Variants in DUOX1 observed in about 807,000 individuals in gnomAD.
DUOX1 encodes the protein NADPH thyroid oxidase 1.
DUOX1 carries 134 observed loss-of-function variants against 181.8 expected under a neutral mutation model. The observed-to-expected ratio is 0.74, with a 90% CI of 0.64 to 0.85. DUOX1 has a LOEUF of 0.85. Among genes scored for constraint, DUOX1 ranks in the 40% least tolerant of loss-of-function variants. The pLI, the probability that DUOX1 is intolerant of heterozygous loss-of-function variation, is 0.00. For missense variants in DUOX1, 1,814 were observed against 2,064.4 expected, an observed-to-expected ratio of 0.88 and a Z score of 2.35; for synonymous variants, 798 against 832.5, an observed-to-expected ratio of 0.96 and a Z score of 0.71.
At chr15:45,142,914 C>A (rs1896545601) in intron 15 of DUOX1, among the ~76,000 whole-genome samples, 1 of 151,958 alleles carries the variant, frequency 6.6e-6, no homozygotes, top group African/African-American at 2.4e-5. Flanking sequence ...TGAGTCTAGT[C>A]TCTGACACAA....
intron 11 of DUOX1, 88 bp from the exon 12 acceptor site, chr15:45,139,338 TC>T: frequency 6.3e-7 from 1 of 1,588,752 alleles, no homozygotes; most frequent in Non-Finnish European, 8.6e-7. Context: ...GGCTCAAGTC[TC>T]CTGGGGCTGG....
Position 45,160,875 on chromosome 15 carries a change from CCGT to C in DUOX1, c.3742_3744del (p.Arg1248del). ...GTAGCTTTGCCCTGATCCAGCTGCC[CCGT>C]TTCCACATCTTCTTCCTGGTCCCAG... On this transcript the variant is annotated inframe_deletion, in exon 29 of 34. Transcript: ENST00000389037. 6.2e-7 allele frequency: 1 copy of C among 1,613,098 alleles called. No homozygotes were observed. The highest frequency in any genetic ancestry group is 8.5e-7 in the Non-Finnish European group (1 of 1,179,290).
intron 1 of DUOX1, among the ~76,000 whole-genome samples, chr15:45,130,316 G>C (rs1019719362): frequency 6.6e-6 from 1 of 152,232 alleles, no homozygotes; most frequent in African/African-American, 2.4e-5. Flanking sequence ...GGTTCTTTGG[G>C]ACCTGGGAAT....
Position 45,165,184 on chromosome 15 carries a change from T to G in DUOX1, c.*283T>G. ...CAAAGTGAAACCTCTGCTTCCAGAC[T>G]TCAGAAACAAATCTCAGAAGACAAG... On this transcript the variant is annotated 3_prime_UTR_variant, in exon 34 of 34. Coordinates refer to ENST00000389037, the MANE Select transcript of DUOX1 (RefSeq NM_175940.3). The G allele has an allele frequency of 2.0e-6, 1 of 502,240 alleles. No homozygotes were observed. The highest frequency in any genetic ancestry group is 3.6e-6 in the Non-Finnish European group (1 of 279,434). 31.1% of individuals were successfully genotyped at this position (502,240 alleles called of 1,614,324 possible). A position where few individuals can be genotyped will look rare whatever the true frequency, so the allele number is the denominator to read the frequency against.
chr15:45,142,712 C>T (rs3784578), intron 15 of DUOX1, among the ~76,000 whole-genome samples: 3,161 of 144,210 alleles, frequency 0.022, 103 homozygotes, highest in East Asian at 0.14. Flanking sequence ...GCAACAAGAG[C>T]GAAACTCTGT....
chr15:45,145,114 G>A lies in DUOX1; in HGVS notation c.2322+34G>A, dbSNP rs777641426. On this transcript the variant is annotated intron_variant, in intron 18 of 33. Coordinates refer to ENST00000389037, the MANE Select transcript of DUOX1 (RefSeq NM_175940.3). ...ATGGGACCAGATCAATCCTTATGCTGTGGTGGTGTCCTTACCTGCATGAGG... is the reference window on the plus strand; with the variant it reads ...ATGGGACCAGATCAATCCTTATGCTATGGTGGTGTCCTTACCTGCATGAGG... 3.9e-6 allele frequency: 6 copies of A among 1,542,476 alleles called. No homozygotes were observed. The East Asian group carries it at 6.8e-5, about 18-fold the overall frequency.
At chr15:45,138,799 C>T (rs192017011) in intron 10 of DUOX1, 57 of 435,838 alleles carry the variant, frequency 1.3e-4, no homozygotes, top group African/African-American at 1.1e-3. Flanking sequence ...ACTTTGCCAA[C>T]CACACTGTCA....
At chr15:45,161,079 G>A in intron 29 of DUOX1, 89 bp downstream of exon 29, 1 of 1,565,572 alleles carries the variant, frequency 6.4e-7, no homozygotes, top group Non-Finnish European at 8.7e-7. Context: ...TCCTGGTCGG[G>A]CCCAGTGGAG....
intron 15 of DUOX1, among the ~76,000 whole-genome samples, chr15:45,142,528 C>G (rs893116925): frequency 6.6e-6 from 1 of 152,028 alleles, no homozygotes; most frequent in Non-Finnish European, 1.5e-5. Flanking sequence ...GAGTTTGAGA[C>G]CAGCCTGATC....
chr15:45,132,948 C>A (rs1233335117), intron 2 of DUOX1, among the ~76,000 whole-genome samples: 1 of 152,176 alleles, frequency 6.6e-6, no homozygotes, highest in Non-Finnish European at 1.5e-5. Context: ...GGCCCTGAGT[C>A]ATTTTCCCCC....
intron 29 of DUOX1, 148 bp downstream of exon 29, chr15:45,161,138 G>A (rs1897089709): frequency 8.0e-6 from 10 of 1,246,332 alleles, no homozygotes; most frequent in African/African-American, 1.5e-5. Context: ...TAGGGGCAAG[G>A]CGCAGTGGCT....
At position 45,162,338 on chromosome 15, in the gene DUOX1, C is replaced by G. The variant is rs772572561; in HGVS notation, c.4209C>G (p.Val1403=). 5.6e-6 allele frequency: 9 copies of G among 1,614,024 alleles called. No homozygotes were observed. The East Asian group carries it at 2.0e-4, about 36-fold the overall frequency. The change falls in exon 31 of 34, where the codon GTC becomes GTG. Residue 1403 remains valine (V), a synonymous_variant. Coordinates refer to ENST00000389037, the MANE Select transcript of DUOX1 (RefSeq NM_175940.3). ...TTGCCTCCATCCTCAAAGACCTGGTCTTCAAGTCATCCGTCAGCTGCCAAG... is the reference window on the plus strand; with the variant it reads ...TTGCCTCCATCCTCAAAGACCTGGTGTTCAAGTCATCCGTCAGCTGCCAAG... ...TPFASILKDL[V]FKSSVSCQVF...
Position 45,152,350 on chromosome 15 carries a change from G to A in DUOX1, c.3258G>A (p.Ser1086=), listed in dbSNP as rs1028501862. The change falls in exon 25 of 34, where the codon TCG becomes TCA. Residue 1086 remains serine (S), a synonymous_variant. Transcript: ENST00000389037. ...CCACCCGCGTGGGAATCATCCTGTC[G>A]CGGGGCACAGCAGCCAGCATCTCTT... The part of the protein sequence containing the change: ...TDTTRVGIIL[S]RGTAASISFM... The A allele has an allele frequency of 9.3e-6, 15 of 1,614,176 alleles. No individual in the cohort carries two copies. The highest frequency in any genetic ancestry group is 7.7e-5 in the South Asian group (7 of 91,078).
intron 28 of DUOX1, among the ~76,000 whole-genome samples, chr15:45,159,809 C>G (rs1241550578): frequency 6.6e-6 from 1 of 152,184 alleles, no homozygotes; most frequent in African/African-American, 2.4e-5. Flanking sequence ...AGTCCCTACC[C>G]CTTCAGTCCA....
rs370875888 is a variant in DUOX1, at chr15:45,161,978, A to G, written c.4089+8A>G. ...TGTGCCAGATACCCAAAGGTACCAG[A>G]CCCTGGCCAGACATGCCACATGCGC... On this transcript the variant is annotated splice_region_variant and intron_variant, in intron 30 of 33. Coordinates refer to ENST00000389037, the MANE Select transcript of DUOX1 (RefSeq NM_175940.3). 4 of 1,603,228 alleles carry G rather than the reference A, an allele frequency of 2.5e-6. No individual in the cohort carries two copies. In the African/African-American group the frequency reaches 5.4e-5, roughly 22 times the overall value.
Position 45,152,014 on chromosome 15 carries a change from A to C in DUOX1, c.3155A>C (p.Tyr1052Ser). The change falls in exon 24 of 34, where the codon TAC becomes TCC. Residue 1052 changes from tyrosine (Y) to serine (S), a missense_variant. Around this residue, in one of 5 missense-constraint regions of DUOX1, gnomAD observed 1,064 missense variants for 1,152.9 expected, o/e 0.92. Coordinates refer to ENST00000389037, the MANE Select transcript of DUOX1 (RefSeq NM_175940.3). ...CACATCGGCTGCGTGGCCGTGTTCT[A>C]CGCCATCGCTGGGGGGCTTTTCCTG... Reference protein sequence around the residue: ...RRHIGCVAVFYAIAGGLFLER... With the variant: ...RRHIGCVAVFSAIAGGLFLER... The C allele has an allele frequency of 6.2e-7, 1 of 1,613,998 alleles. No individual in the cohort carries two copies. Among genetic ancestry groups the C allele is most frequent in the Non-Finnish European group, 8.5e-7 (1 of 1,180,006 alleles).
rs1229102474 is a variant in DUOX1, at chr15:45,144,254, C to G, written c.2136+19C>G. 2.5e-6 allele frequency: 4 copies of G among 1,613,280 alleles called. No individual in the cohort carries two copies. The highest frequency in any genetic ancestry group is 2.2e-5 in the South Asian group (2 of 91,070). On this transcript the variant is annotated intron_variant, in intron 17 of 33. Transcript: ENST00000389037. Reference sequence around the variant, plus strand: ...TGACCTGGTATGGCTCAGCTGGCATCTGGCTCCTTGTCCACAGCCAAGGCC... The same window carrying G: ...TGACCTGGTATGGCTCAGCTGGCATGTGGCTCCTTGTCCACAGCCAAGGCC...
At chr15:45,140,763 A>T in intron 12 of DUOX1, 132 bp from the exon 13 acceptor site, 1 of 836,492 alleles carries the variant, frequency 1.2e-6, no homozygotes, top group Non-Finnish European at 1.9e-6. Context: ...CATAATAAGC[A>T]CTGTATAGGA....
chr15:45,153,105 C>T, intron 25 of DUOX1: 1 of 406,186 alleles, frequency 2.5e-6, no homozygotes, highest in Non-Finnish European at 4.5e-6. Flanking sequence ...CCGGTAATCC[C>T]AGCTACTCAG....
Sources: gnomAD v4.1 joint callset for allele counts (sites outside exome capture counted in the v4.1 genomes callset) on GRCh38, gnomAD v4.1.1 for gene constraint, gnomAD v4.1.1 regional missense constraint, MANE v1.5 for transcripts, NCBI Gene and HGNC (gene_info 2026-07-23, HGNC 2026-07-21) for gene names.